VCL: variants seen among roughly 807,000 people sequenced by gnomAD.
VCL encodes epididymis luminal protein 114.
VCL carries 47 observed loss-of-function variants against 125.7 expected under a neutral mutation model. The ratio of observed to expected loss-of-function variants is 0.37; its 90% CI spans 0.30 to 0.48. The LOEUF (loss-of-function observed/expected upper bound fraction) is 0.48. Ranked by LOEUF, VCL falls within the 20% of genes least tolerant of loss-of-function variation. VCL has a pLI of 0.99. For missense variants in VCL, 1,069 were observed against 1,455.5 expected, an observed-to-expected ratio of 0.73 and a Z score of 4.32; for synonymous variants, 458 against 514.6, an observed-to-expected ratio of 0.89 and a Z score of 1.49.
intron 1 of VCL, among the ~76,000 whole-genome samples, chr10:74,014,056 G>A (rs1840489133): frequency 1.3e-5 from 2 of 152,040 alleles, no homozygotes; most frequent in Non-Finnish European, 2.9e-5. Context: ...ACCTTTGATT[G>A]CCAGTTTCCC....
chr10:74,081,593 A>G (rs1047510266), intron 6 of VCL, among the ~76,000 whole-genome samples: 3 of 152,164 alleles, frequency 2.0e-5, no homozygotes, highest in Non-Finnish European at 4.4e-5. Context: ...GACTTAAGAG[A>G]TGGCTGGTGT....
intron 7 of VCL, among the ~76,000 whole-genome samples, chr10:74,082,858 A>T (rs1303160827): frequency 6.6e-6 from 1 of 152,240 alleles, no homozygotes; most frequent in African/African-American, 2.4e-5. Context: ...CTTCTCTTCC[A>T]GTTCCCATTG....
rs568811030 is a variant in VCL at position 74,042,217 on chromosome 10, C to A, written c.169-866C>A. 1.1e-3 allele frequency among the ~76,000 whole-genome samples: 173 copies of A among 152,100 alleles called. 1 individual carries two copies. The highest frequency in any genetic ancestry group is 2.3e-3 in the Non-Finnish European group (155 of 68,014). On this transcript the variant is annotated intron_variant, in intron 1 of 21. Transcript: ENST00000211998. ...GTTTTTATAACCATTGTTTTAATGG[C>A]CCACATAGTACTCAACCTAACGATA...
At chr10:74,014,047 C>A (rs184265370) in intron 1 of VCL, among the ~76,000 whole-genome samples, 1 of 152,190 alleles carries the variant, frequency 6.6e-6, no homozygotes, top group African/African-American at 2.4e-5. Context: ...GGTGCTTGAA[C>A]CTTTGATTGC....
Position 74,083,455 on chromosome 10 carries a change from C to T in VCL, c.964C>T (p.Leu322=). The T allele has an allele frequency of 6.2e-7, 1 of 1,614,080 alleles. No individual in the cohort carries two copies. ...LCAGKERREI[L]GTCKMLGQMT... is the part of the protein sequence containing the mutation. ...TGCAGGCAAAGAACGCAGGGAGATT[C>T]TGGGAACTTGCAAAATGCTAGGGCA... The change falls in exon 8 of 22, where the codon CTG becomes TTG. Residue 322 remains leucine, a synonymous_variant. Transcript: ENST00000211998.
chr10:74,090,729 C>T (rs1389241683), intron 10 of VCL, among the ~76,000 whole-genome samples: 7 of 152,088 alleles, frequency 4.6e-5, no homozygotes, highest in African/African-American at 1.7e-4. Flanking sequence ...CCACAGCCTC[C>T]TCTCCTAAAG....
At chr10:74,066,063 T>TATATATA (rs1297685805) in intron 2 of VCL, among the ~76,000 whole-genome samples, 6 of 95,636 alleles carry the variant, frequency 6.3e-5, no homozygotes, top group Admixed American at 2.2e-4. Flanking sequence ...ATATATATAT[T>TATATATA]TTTTTTTTTT....
intron 2 of VCL, among the ~76,000 whole-genome samples, chr10:74,044,689 A>G (rs1841162356): frequency 6.6e-6 from 1 of 152,196 alleles, no homozygotes; most frequent in Admixed American, 6.5e-5. Context: ...ACTCGTCCAC[A>G]TGCACACCAG....
chr10:74,052,268 A>G (rs76914438), intron 2 of VCL, among the ~76,000 whole-genome samples: 125 of 151,872 alleles, frequency 8.2e-4, no homozygotes, highest in Middle Eastern at 3.4e-3. Flanking sequence ...TCCTACTTCA[A>G]TTACATATTA....
chr10:74,110,667 C>T (rs549393824), intron 18 of VCL, among the ~76,000 whole-genome samples: 32 of 152,276 alleles, frequency 2.1e-4, no homozygotes, highest in Middle Eastern at 3.4e-3. Flanking sequence ...CCTCCAACAT[C>T]GTCACCCTTT....
At chr10:74,117,742 G>A (rs1483767336) in intron 21 of VCL, among the ~76,000 whole-genome samples, 1 of 152,248 alleles carries the variant, frequency 6.6e-6, no homozygotes, top group Non-Finnish European at 1.5e-5. Flanking sequence ...TGGGGAAAGA[G>A]CAGTCCAGGT....
At chr10:74,040,622 T>G (rs1341218285) in intron 1 of VCL, among the ~76,000 whole-genome samples, 1 of 152,238 alleles carries the variant, frequency 6.6e-6, no homozygotes, top group Non-Finnish European at 1.5e-5. Context: ...TCTGGAAATA[T>G]TCTGTCATGT....
At chr10:74,008,893 C>T (rs1410730887) in intron 1 of VCL, among the ~76,000 whole-genome samples, 1 of 152,186 alleles carries the variant, frequency 6.6e-6, no homozygotes, top group Non-Finnish European at 1.5e-5. Context: ...CAGGTCAACC[C>T]TTAAACCTTT....
At chr10:74,082,669 C>T in intron 7 of VCL, 125 bp downstream of exon 7, 1 of 984,622 alleles carries the variant, frequency 1.0e-6, no homozygotes, top group South Asian at 1.4e-5. Context: ...TGGGGCATAC[C>T]CCATTATCTG....
chr10:74,008,235 A>G (rs1377009753), intron 1 of VCL, among the ~76,000 whole-genome samples: 1 of 152,230 alleles, frequency 6.6e-6, no homozygotes, highest in Non-Finnish European at 1.5e-5. Context: ...AATTTGAGCC[A>G]TCTCATGGAA....
intron 2 of VCL, among the ~76,000 whole-genome samples, chr10:74,046,249 A>T (rs1841194905): frequency 6.6e-6 from 1 of 151,890 alleles, no homozygotes; most frequent in Non-Finnish European, 1.5e-5. Context: ...TCAGCCTGGT[A>T]ATATATATAT....
At chr10:74,057,210 G>A (rs143291050) in intron 2 of VCL, among the ~76,000 whole-genome samples, 1 of 151,814 alleles carries the variant, frequency 6.6e-6, no homozygotes, top group Non-Finnish European at 1.5e-5. Flanking sequence ...CTCCCAAAGC[G>A]CTGGGATTAT....
chr10:74,010,762 C>A (rs1365164653), intron 1 of VCL, among the ~76,000 whole-genome samples: 1 of 152,176 alleles, frequency 6.6e-6, no homozygotes, highest in Non-Finnish European at 1.5e-5. Flanking sequence ...ACTTTCTCTG[C>A]CATCTGGGGA....
intron 6 of VCL, 68 bp downstream of exon 6, chr10:74,074,971 C>A (rs1179773369): frequency 1.9e-6 from 3 of 1,590,374 alleles, no homozygotes; most frequent in Non-Finnish European, 2.6e-6. Context: ...TTGATTGGCA[C>A]CTGTCTCATA....
Sources: allele counts gnomAD v4.1 joint callset (sites outside exome capture counted in the v4.1 genomes callset), GRCh38; gene constraint gnomAD v4.1.1; transcripts MANE v1.5; gene names NCBI Gene and HGNC (gene_info 2026-07-23, HGNC 2026-07-21).